NEK6: variants seen among roughly 807,000 people sequenced by gnomAD.
NEK6 encodes serine/threonine-protein kinase Nek6.
NEK6 carries 27 observed loss-of-function variants against 43.5 expected under a neutral mutation model. The ratio of observed to expected loss-of-function variants is 0.62; its 90% CI spans 0.46 to 0.86. NEK6 has a LOEUF of 0.86. Among genes scored for constraint, NEK6 ranks in the 40% least tolerant of loss-of-function variants. The probability of loss-of-function intolerance (pLI) is 0.00; values close to 1 mark genes in which losing one functional copy is unlikely to be tolerated. For missense variants in NEK6, 318 were observed against 414.4 expected, an observed-to-expected ratio of 0.77 and a Z score of 2.02; for synonymous variants, 167 against 164.1, an observed-to-expected ratio of 1.02 and a Z score of -0.14.
rs778399540 is a variant in NEK6 at position 124,312,590 on chromosome 9, G to A, written c.172G>A (p.Glu58Lys). Residue 58 changes from glutamate to lysine, a missense_variant, in exon 3 of 10, where the codon GAG becomes AAG. Glu to Lys is a moderately conservative substitution (Grantham distance 56). Around this residue, in one of 2 missense-constraint regions of NEK6, gnomAD observed 239 missense variants for 344.4 expected, o/e 0.69. Transcript: ENST00000320246. ...EKKIGRGQFS[E>K]VYKATCLLDR... is the part of the protein sequence containing the mutation. ...GAAGATAGGCCGAGGACAGTTCAGC[G>A]AGGTGTACAAGGCCACCTGCCTGCT... The A allele has an allele frequency of 4.3e-6, 7 of 1,614,090 alleles. No homozygotes were observed. In the East Asian group the frequency reaches 8.9e-5, roughly 21 times the overall value.
At position 124,343,233 on chromosome 9, in the gene NEK6, C is replaced by T. The variant is rs532371619; in HGVS notation, c.717+3568C>T. Among the ~76,000 whole-genome samples, 5 of 58,284 alleles carry T rather than the reference C, an allele frequency of 8.6e-5. No individual in the cohort carries two copies. The highest frequency in any genetic ancestry group is 2.4e-4 in the Admixed American group (1 of 4,190). The allele number at this position is 58,284 out of a possible 152,430, so 38.2% of individuals were successfully genotyped here. ...GGGGGGCTGGACCACAGCCGGGGGGCGGTGAGGGGACGGATCGCAGCCGGG... is the reference window on the plus strand; with the variant it reads ...GGGGGGCTGGACCACAGCCGGGGGGTGGTGAGGGGACGGATCGCAGCCGGG... On this transcript the variant is annotated intron_variant, in intron 8 of 9. Transcript: ENST00000320246. This position sits in a 1 kb window ranked among gnomAD's most constrained non-coding sequence, Gnocchi z 5.1.
At chr9:124,330,357 C>G (rs766415959) in intron 7 of NEK6, among the ~76,000 whole-genome samples, 3 of 152,266 alleles carry the variant, frequency 2.0e-5, no homozygotes, top group Non-Finnish European at 4.4e-5. Context: ...ACACAGCTCA[C>G]AAGCTACAAG....
intron 8 of NEK6, among the ~76,000 whole-genome samples, 153 bp from the exon 9 acceptor site, chr9:124,347,556 T>G (rs565276462): frequency 6.6e-6 from 1 of 152,340 alleles, no homozygotes; most frequent in South Asian, 2.1e-4. Context: ...AACCCCAGCA[T>G]GCTCGGTGAT....
At chr9:124,271,177 C>T (rs979708765) in intron 1 of NEK6, among the ~76,000 whole-genome samples, 5 of 152,270 alleles carry the variant, frequency 3.3e-5, no homozygotes, top group Non-Finnish European at 7.3e-5. Flanking sequence ...CTTAATCTCT[C>T]ACACCATTGC....
chr9:124,280,523 A>G (rs1831856152), intron 1 of NEK6, among the ~76,000 whole-genome samples: 1 of 152,204 alleles, frequency 6.6e-6, no homozygotes, highest in Non-Finnish European at 1.5e-5. Context: ...CGCTCATGCG[A>G]ATGTTTCCCT....
rs1441540780 is a variant in NEK6, at chr9:124,347,576, A to ATCT, written c.718-133_718-132insTCT. 3.3e-5 allele frequency: 18 copies of ATCT among 542,694 alleles called. No homozygotes were observed. In the Admixed American group the frequency reaches 3.8e-4, roughly 12 times the overall value. The allele number at this position is 542,694 out of a possible 1,614,324, so 33.6% of individuals were successfully genotyped here. ...CAGCATGCTCGGTGATTCGGGGGAG[A>ATCT]AGTCCTGCTGGACTCGCCGCGGTCG... On this transcript the variant is annotated intron_variant, in intron 8 of 9. Coordinates refer to ENST00000320246, the MANE Select transcript of NEK6 (RefSeq NM_014397.6).
At chr9:124,285,999 T>C (rs1832140291) in intron 1 of NEK6, among the ~76,000 whole-genome samples, 1 of 152,214 alleles carries the variant, frequency 6.6e-6, no homozygotes, top group Non-Finnish European at 1.5e-5. Context: ...GGGACTTCGC[T>C]GTGGTCACTC....
intron 8 of NEK6, among the ~76,000 whole-genome samples, chr9:124,341,286 C>T (rs1297501274): frequency 6.6e-6 from 1 of 152,226 alleles, no homozygotes; most frequent in Non-Finnish European, 1.5e-5. Context: ...AAGCCAGTGA[C>T]CTGCTATATT....
At chr9:124,339,532 C>A in intron 7 of NEK6, 39 bp from the exon 8 acceptor site, 1 of 1,470,186 alleles carries the variant, frequency 6.8e-7, no homozygotes, top group Non-Finnish European at 9.5e-7. Context: ...CCCTGCCCTA[C>A]ATGGAGCATA....
chr9:124,350,942 A>C lies in NEK6; in HGVS notation c.937A>C (p.Thr313Pro). ...GCAGATGCACATCTGGATGTCCAGCACCTGAGCGTGGATGCACCGTGCCTT... is the reference window on the plus strand; with the variant it reads ...GCAGATGCACATCTGGATGTCCAGCCCCTGAGCGTGGATGCACCGTGCCTT... ...AKQMHIWMSS[T>P] is the part of the protein sequence containing the mutation. Residue 313 changes from threonine to proline, a missense_variant, in exon 10 of 10, where the codon ACC becomes CCC. Physicochemically the swap from Thr to Pro is conservative, Grantham distance 38. This residue lies in a region of NEK6 where 79 missense variants were observed against 70.0 expected (regional missense o/e 1.13). Transcript: ENST00000320246. 6.2e-7 allele frequency: 1 copy of C among 1,606,874 alleles called. No homozygotes were observed. The highest frequency in any genetic ancestry group is 8.5e-7 in the Non-Finnish European group (1 of 1,178,258).
chr9:124,320,389 G>A (rs536207865), intron 4 of NEK6, among the ~76,000 whole-genome samples: 1 of 152,340 alleles, frequency 6.6e-6, no homozygotes, highest in African/African-American at 2.4e-5. Flanking sequence ...GCATGGCTCT[G>A]TAACATCTGC....
chr9:124,295,456 G>C (rs1444761982), intron 1 of NEK6, among the ~76,000 whole-genome samples: 1 of 152,204 alleles, frequency 6.6e-6, no homozygotes, highest in Admixed American at 6.5e-5. Flanking sequence ...CCAGCAGCCA[G>C]AGCCACAGCT....
Position 124,321,508 on chromosome 9 carries a change from A to G in NEK6, c.344A>G (p.Asp115Gly), listed in dbSNP as rs1834063309. ...AAGTATTTGGACTCGTTTATCGAAG[A>G]CAACGAGCTGAACATTGTGCTGGAG... is the stretch of plus-strand genomic sequence containing the variant. ...IIKYLDSFIE[D>G]NELNIVLELA... Residue 115 changes from aspartate (D) to glycine (G), a missense_variant, in exon 5 of 10, where the codon GAC becomes GGC. Coordinates refer to ENST00000320246, the MANE Select transcript of NEK6 (RefSeq NM_014397.6). 2 of 1,613,980 alleles carry G rather than the reference A, an allele frequency of 1.2e-6. No homozygotes were observed. Among genetic ancestry groups the G allele is most frequent in the Admixed American group, 1.7e-5 (1 of 59,998 alleles).
intron 1 of NEK6, among the ~76,000 whole-genome samples, chr9:124,290,460 G>A (rs759215115): frequency 5.9e-5 from 9 of 152,270 alleles, no homozygotes; most frequent in Non-Finnish European, 1.0e-4. Context: ...AGGTGGCGGA[G>A]CCTCGGTGCC....
intron 4 of NEK6, among the ~76,000 whole-genome samples, chr9:124,320,553 T>G (rs780872018): frequency 6.6e-6 from 1 of 152,204 alleles, no homozygotes; most frequent in Non-Finnish European, 1.5e-5. Context: ...GGCAGGATAT[T>G]CGAGTCCCCT....
chr9:124,314,508 T>C (rs1833719196), intron 4 of NEK6, among the ~76,000 whole-genome samples: 1 of 151,582 alleles, frequency 6.6e-6, no homozygotes. Context: ...GTTTTTTTTT[T>C]ATTTTAGAGG....
intron 1 of NEK6, among the ~76,000 whole-genome samples, chr9:124,288,788 G>T (rs1336999006): frequency 6.6e-6 from 1 of 152,068 alleles, no homozygotes; most frequent in Non-Finnish European, 1.5e-5. Flanking sequence ...GATGGAGGCA[G>T]CACCGAATTT....
rs1834244652 is a variant in NEK6, at chr9:124,324,632, G to A, written c.406-1698G>A. 6.6e-6 allele frequency among the ~76,000 whole-genome samples: 1 copy of A among 152,202 alleles called. No individual in the cohort carries two copies. The highest frequency in any genetic ancestry group is 1.5e-5 in the Non-Finnish European group (1 of 68,036). On this transcript the variant is annotated intron_variant, in intron 5 of 9. Transcript: ENST00000320246. The surrounding 1 kb of genome is among the most constrained non-coding windows in gnomAD (Gnocchi z 5.3). ...AACATCCCGGCCTGGCCCGCCACAGGCCTGGAGGTGGCCTGGGGGTGGGGT... is the reference window on the plus strand; with the variant it reads ...AACATCCCGGCCTGGCCCGCCACAGACCTGGAGGTGGCCTGGGGGTGGGGT...
intron 2 of NEK6, among the ~76,000 whole-genome samples, chr9:124,309,806 G>A (rs1485772215): frequency 2.0e-5 from 3 of 152,210 alleles, no homozygotes; most frequent in African/African-American, 2.4e-5. Flanking sequence ...TAGAGGTGAC[G>A]GCGTCTGAGT....
Sources: gnomAD v4.1 joint callset for allele counts (sites outside exome capture counted in the v4.1 genomes callset) on GRCh38, gnomAD v4.1.1 for gene constraint, gnomAD v4.1.1 regional missense constraint, Gnocchi (gnomAD v3.1) non-coding constraint, MANE v1.5 for transcripts, NCBI Gene and HGNC (gene_info 2026-07-23, HGNC 2026-07-21) for gene names.